The following SEZ6L variants were observed in gnomAD, a reference collection of about 807,000 sequenced individuals.
SEZ6L encodes seizure related 6 homolog like.
Under a neutral mutation model 106.2 loss-of-function variants are expected in SEZ6L, and 37 were observed. The observed-to-expected ratio is 0.35, with a 90% CI of 0.27 to 0.46. The LOEUF is 0.46. Among genes scored for constraint, SEZ6L ranks in the 20% least tolerant of loss-of-function variants. The pLI, the probability that SEZ6L is intolerant of heterozygous loss-of-function variation, is 1.00. For missense variants in SEZ6L, 1,172 were observed against 1,332.8 expected (o/e 0.88, Z 1.88); for synonymous variants, 541 against 570.4 (o/e 0.95, Z 0.73).
At chr22:26,368,877 C>G (rs1025595363) in intron 13 of SEZ6L, among the ~76,000 whole-genome samples, 2 of 152,112 alleles carry the variant, frequency 1.3e-5, no homozygotes, top group South Asian at 4.1e-4. Flanking sequence ...TTTCCCAAAG[C>G]CACACAGCTA....
At chr22:26,364,475 C>G (rs1389006360) in intron 12 of SEZ6L, among the ~76,000 whole-genome samples, 1 of 150,642 alleles carries the variant, frequency 6.6e-6, no homozygotes, top group Non-Finnish European at 1.5e-5. Flanking sequence ...CGCCTATAGT[C>G]CCAGCTACTC....
intron 1 of SEZ6L, among the ~76,000 whole-genome samples, chr22:26,284,314 A>G (rs2080860945): frequency 6.6e-6 from 1 of 152,230 alleles, no homozygotes; most frequent in South Asian, 2.1e-4. Flanking sequence ...TTTAGAGATG[A>G]AACAAGACTT....
chr22:26,209,263 A>G (rs1011218139), intron 1 of SEZ6L, among the ~76,000 whole-genome samples: 51 of 152,154 alleles, frequency 3.4e-4, no homozygotes, highest in African/African-American at 1.2e-3. Flanking sequence ...TTGTTTCCTG[A>G]GCCTGTGTCA....
At position 26,192,452 on chromosome 22, in the gene SEZ6L, G is replaced by A. The variant is rs5761398; in HGVS notation, c.94+22689G>A. Among the ~76,000 whole-genome samples, 498 of 152,238 alleles carry A rather than the reference G, an allele frequency of 3.3e-3. 12 individuals carry two copies. The South Asian group carries it at 0.064, about 20-fold the overall frequency. On this transcript the variant is annotated intron_variant, in intron 1 of 16. Transcript: ENST00000248933. ...CTCTCTCAATTTACATATACCTGTA[G>A]TTTCTTGAAAATCATCAAGCATACT...
intron 1 of SEZ6L, among the ~76,000 whole-genome samples, chr22:26,241,837 G>C (rs895805361): frequency 6.6e-6 from 1 of 152,180 alleles, no homozygotes; most frequent in Non-Finnish European, 1.5e-5. Flanking sequence ...AATGTCACAG[G>C]CTTAATGGCA....
At chr22:26,362,912 G>A (rs544542743) in intron 12 of SEZ6L, among the ~76,000 whole-genome samples, 2 of 152,286 alleles carry the variant, frequency 1.3e-5, no homozygotes, top group East Asian at 1.9e-4. Context: ...TCAAAGTCCC[G>A]ATTCTTCATG....
At chr22:26,248,996 G>C (rs1044402609) in intron 1 of SEZ6L, among the ~76,000 whole-genome samples, 10 of 152,120 alleles carry the variant, frequency 6.6e-5, no homozygotes, top group African/African-American at 2.2e-4. Context: ...GATTCAAAAA[G>C]AGCCATCTTC....
intron 16 of SEZ6L, among the ~76,000 whole-genome samples, chr22:26,378,961 T>C (rs770975207): frequency 6.6e-5 from 10 of 152,134 alleles, no homozygotes; most frequent in South Asian, 2.1e-4. Context: ...TATTATCTCA[T>C]AGTTTCTATA....
intron 9 of SEZ6L, among the ~76,000 whole-genome samples, chr22:26,317,020 A>G (rs1332538705): frequency 6.6e-6 from 1 of 152,114 alleles, no homozygotes; most frequent in Non-Finnish European, 1.5e-5. Context: ...CATGATGAGA[A>G]CATCTGCAAA....
intron 2 of SEZ6L, 66 bp from the exon 3 acceptor site, chr22:26,294,226 C>G: frequency 1.3e-6 from 2 of 1,556,318 alleles, no homozygotes; most frequent in Non-Finnish European, 1.8e-6. Flanking sequence ...CATTCCACCC[C>G]ACAGCCCATG....
intron 1 of SEZ6L, among the ~76,000 whole-genome samples, chr22:26,287,684 G>A (rs73156902): frequency 0.027 from 4,077 of 152,168 alleles, 79 homozygotes; most frequent in Middle Eastern, 0.054. Context: ...TACAATTTTC[G>A]CTAATTCCCA....
intron 3 of SEZ6L, 92 bp downstream of exon 3, chr22:26,294,517 A>G: frequency 1.4e-6 from 2 of 1,385,716 alleles, no homozygotes; most frequent in Non-Finnish European, 9.9e-7. Flanking sequence ...TATGCTAACT[A>G]GTTTGGTTCT....
intron 13 of SEZ6L, among the ~76,000 whole-genome samples, chr22:26,369,507 A>AT (rs373804456): frequency 1.2e-4 from 18 of 150,826 alleles, no homozygotes; most frequent in African/African-American, 2.9e-4. Flanking sequence ...CACCCGGCTA[A>AT]TTTTTTGTAT....
chr22:26,225,377 A>G (rs952313842), intron 1 of SEZ6L, among the ~76,000 whole-genome samples: 2 of 152,274 alleles, frequency 1.3e-5, no homozygotes, highest in Admixed American at 1.3e-4. Context: ...CTCCATGACT[A>G]GTTTTGAGCA....
intron 12 of SEZ6L, among the ~76,000 whole-genome samples, chr22:26,362,283 G>A (rs752933066): frequency 1.3e-5 from 2 of 152,228 alleles, no homozygotes; most frequent in East Asian, 1.9e-4. Context: ...ATGCCAGGGG[G>A]CAAACTTCAA....
chr22:26,362,052 G>A (rs901690046), intron 12 of SEZ6L, among the ~76,000 whole-genome samples: 1 of 151,896 alleles, frequency 6.6e-6, no homozygotes, highest in African/African-American at 2.4e-5. Context: ...TCAAAGCACA[G>A]GCTTTAAAAA....
At chr22:26,174,573 A>C (rs1289290758) in intron 1 of SEZ6L, among the ~76,000 whole-genome samples, 6 of 152,190 alleles carry the variant, frequency 3.9e-5, no homozygotes, top group Non-Finnish European at 7.4e-5. Flanking sequence ...TCTTCTCAGA[A>C]GGGAGCGAGG....
At chr22:26,281,377 T>TC (rs199851867) in intron 1 of SEZ6L, among the ~76,000 whole-genome samples, 45 of 120,434 alleles carry the variant, frequency 3.7e-4, no homozygotes, top group African/African-American at 1.1e-3. Flanking sequence ...TTTCTTTCTT[T>TC]TTTTTTTTTT....
intron 1 of SEZ6L, among the ~76,000 whole-genome samples, chr22:26,204,897 C>G (rs1282244748): frequency 6.6e-6 from 1 of 152,170 alleles, no homozygotes; most frequent in African/African-American, 2.4e-5. Context: ...GTTCACTGCC[C>G]CTGCCCAGCT....
Sources: gnomAD v4.1 joint callset for allele counts (sites outside exome capture counted in the v4.1 genomes callset) on GRCh38, gnomAD v4.1.1 for gene constraint, MANE v1.5 for transcripts, NCBI Gene and HGNC (gene_info 2026-07-23, HGNC 2026-07-21) for gene names.